The following ANXA1 variants were observed in gnomAD, a reference collection of about 807,000 sequenced individuals.
The protein encoded by ANXA1 is annexin I (lipocortin I).
In ANXA1, 39 loss-of-function variants were observed where a neutral mutation model predicts 47.9. The ratio of observed to expected loss-of-function variants is 0.81; its 90% CI spans 0.63 to 1.06. The LOEUF (loss-of-function observed/expected upper bound fraction) is 1.06, where lower values mean the gene tolerates loss of function less well. ANXA1 is among the 50% of genes least tolerant of loss of function. The pLI is 0.00. For synonymous variants in ANXA1, 146 were observed against 142.5 expected, an observed-to-expected ratio of 1.02 and a Z score of -0.17; for missense variants, 446 against 422.7, an observed-to-expected ratio of 1.06 and a Z score of -0.48.
Position 73,160,272 on chromosome 9 carries a change from G to C in ANXA1, c.280G>C (p.Glu94Gln). 6.4e-7 allele frequency: 1 copy of C among 1,557,116 alleles called. No homozygotes were observed. The highest frequency in any genetic ancestry group is 8.6e-7 in the Non-Finnish European group (1 of 1,161,102). ...ATCTTTTTTTTTGTAGCCCCTGGATGAAACACTGAAGAAAGCCCTTACAGG... is the reference window on the plus strand; with the variant it reads ...ATCTTTTTTTTTGTAGCCCCTGGATCAAACACTGAAGAAAGCCCTTACAGG... Reference protein sequence around the residue: ...YLQETGKPLDETLKKALTGHL... With the variant: ...YLQETGKPLDQTLKKALTGHL... The change falls in exon 5 of 13, where the codon GAA becomes CAA. Residue 94 changes from glutamate (E) to glutamine (Q), a missense_variant. Coordinates refer to ENST00000257497, the MANE Select transcript of ANXA1 (RefSeq NM_000700.3).
At chr9:73,158,349 C>A in intron 1 of ANXA1, 173 bp from the exon 2 acceptor site, 1 of 562,780 alleles carries the variant, frequency 1.8e-6, no homozygotes, top group Non-Finnish European at 3.2e-6. Context: ...TAAAAGCTTC[C>A]TTTAAAAAAA....
In ANXA1 at chr9:73,158,743, T is replaced by A. The variant is rs767002428; in HGVS notation, c.115T>A (p.Tyr39Asn). The change falls in exon 3 of 13, where the codon TAT becomes AAT. Residue 39 changes from tyrosine to asparagine, a missense_variant. Transcript: ENST00000257497. Reference sequence around the variant, plus strand: ...TGGTCCCGGATCAGCGGTGAGCCCCTATCCTACCTTCAATCCATCCTCGGA... The same window carrying A: ...TGGTCCCGGATCAGCGGTGAGCCCCAATCCTACCTTCAATCCATCCTCGGA... ...KGGPGSAVSP[Y>N]PTFNPSSDVA... 2 of 1,613,950 alleles carry A rather than the reference T, an allele frequency of 1.2e-6. No homozygotes were observed. Among genetic ancestry groups the A allele is most frequent in the Non-Finnish European group, 1.7e-6 (2 of 1,179,878 alleles).
rs773134758 is a variant in ANXA1 at position 73,169,173 on chromosome 9, A to T, written c.984+19A>T. On this transcript the variant is annotated intron_variant, in intron 12 of 12. Coordinates refer to ENST00000257497, the MANE Select transcript of ANXA1 (RefSeq NM_000700.3). ...CATCCTGGTATGTTTTGATTCCTCTAATGCCATCCCAACAAATGAAAGTTC... is the reference window on the plus strand; with the variant it reads ...CATCCTGGTATGTTTTGATTCCTCTTATGCCATCCCAACAAATGAAAGTTC... The T allele has an allele frequency of 6.3e-7, 1 of 1,583,612 alleles. No individual in the cohort carries two copies.
chr9:73,167,486 TTC>T lies in ANXA1; in HGVS notation c.803-7_803-6del, dbSNP rs1824250950. 5 of 1,609,310 alleles carry T rather than the reference TTC, an allele frequency of 3.1e-6. No homozygotes were observed. The African/African-American group carries it at 5.3e-5, about 17-fold the overall frequency. On this transcript the variant is annotated splice_polypyrimidine_tract_variant and intron_variant, in intron 10 of 12. Coordinates refer to ENST00000257497, the MANE Select transcript of ANXA1 (RefSeq NM_000700.3). ...GGTAAATACATCAACTAAAATTTTC[TTC>T]TCTAACAGTGAAGTGCGCCACAAGC...
At position 73,165,209 on chromosome 9, in the gene ANXA1, G is replaced by C. The variant is rs200795528; in HGVS notation, c.706G>C (p.Val236Leu). 52 of 1,610,854 alleles carry C rather than the reference G, an allele frequency of 3.2e-5. No individual in the cohort carries two copies. In the East Asian group the frequency reaches 6.7e-4, roughly 21 times the overall value. The change falls in exon 9 of 13, where the codon GTG (valine) becomes CTG (leucine). Residue 236 changes from valine to leucine, a missense_variant and splice_region_variant. Val to Leu is a conservative substitution (Grantham distance 32). Transcript: ENST00000257497. Reference protein sequence around the residue: ...TTRSYPQLRRVFQKYTKYSKH... With the variant: ...TTRSYPQLRRLFQKYTKYSKH... ...CAGAAGCTATCCACAACTTCGCAGA[G>C]GTAACAATAAATTTCTTTTTCTGGA... is the stretch of plus-strand genomic sequence containing the variant.
intron 1 of ANXA1, chr9:73,157,933 C>T (rs1296892868): frequency 6.6e-6 from 1 of 152,242 alleles, no homozygotes; most frequent in Non-Finnish European, 1.5e-5. Context: ...CTTGTTTCAG[C>T]TTCTGCCAAC....
chr9:73,163,374 C>A (rs1824175662), intron 7 of ANXA1, 102 bp from the exon 8 acceptor site: 2 of 1,209,404 alleles, frequency 1.7e-6, no homozygotes, highest in Non-Finnish European at 2.3e-6. Context: ...AATAGAATAC[C>A]TTTTTCTCAA....
In ANXA1 at chr9:73,169,030, A is replaced by G. The variant is rs1485495897; in HGVS notation, c.862-2A>G. The G allele has an allele frequency of 1.9e-6, 3 of 1,604,844 alleles. No individual in the cohort carries two copies. Among genetic ancestry groups the G allele is most frequent in the South Asian group, 2.2e-5 (2 of 88,950 alleles). ...ACACTTACCCTCATTTATTTTGGCC[A>G]GGGTGTTGGAACTCGCCATAAGGCA... On this transcript the variant is annotated splice_acceptor_variant, in intron 11 of 12. Transcript: ENST00000257497. LOFTEE classifies it high-confidence loss of function.
intron 9 of ANXA1, 123 bp downstream of exon 9, chr9:73,165,332 C>T (rs1824209681): frequency 2.9e-6 from 2 of 687,934 alleles, no homozygotes; most frequent in African/African-American, 1.8e-5. Context: ...CAAACAGATA[C>T]AGTGTTCCTG....
chr9:73,160,627 T>C (rs753397823), intron 5 of ANXA1, among the ~76,000 whole-genome samples, 176 bp from the exon 6 acceptor site: 5 of 152,190 alleles, frequency 3.3e-5, no homozygotes, highest in Non-Finnish European at 5.9e-5. Flanking sequence ...AAAATATTGA[T>C]GATAAACTTG....
chr9:73,161,124 A>C (rs1343358411), intron 6 of ANXA1, among the ~76,000 whole-genome samples: 1 of 152,158 alleles, frequency 6.6e-6, no homozygotes, highest in Admixed American at 6.6e-5. Context: ...CTTGCGTTTT[A>C]ATAGAAAATG....
chr9:73,168,378 A>G (rs528317456), intron 11 of ANXA1: 2 of 152,312 alleles, frequency 1.3e-5, no homozygotes, highest in South Asian at 2.1e-4. Context: ...AGTGGGACAT[A>G]TACTCCAGAC....
In ANXA1 at chr9:73,154,360, C is replaced by T. The variant is rs756255947; in HGVS notation, c.-15+2436C>T. On this transcript the variant is annotated intron_variant, in intron 1 of 12. Coordinates refer to ENST00000257497, the MANE Select transcript of ANXA1 (RefSeq NM_000700.3). ...TCTCAGGTGTGAGTGATTAAAAGAACACTGATCATGTCATTTTCTTTTTGG... is the reference window on the plus strand; with the variant it reads ...TCTCAGGTGTGAGTGATTAAAAGAATACTGATCATGTCATTTTCTTTTTGG... 8.1e-6 allele frequency: 11 copies of T among 1,365,320 alleles called. No individual in the cohort carries two copies. The African/African-American group carries it at 1.5e-4, about 18-fold the overall frequency. 84.6% of individuals were successfully genotyped at this position (1,365,320 alleles called of 1,614,324 possible).
intron 3 of ANXA1, 69 bp from the exon 4 acceptor site, chr9:73,159,260 A>G (rs1824098518): frequency 8.2e-7 from 1 of 1,217,728 alleles, no homozygotes; most frequent in Non-Finnish European, 1.2e-6. Flanking sequence ...CATCTCAGTA[A>G]TGAATTATTT....
At chr9:73,162,673 T>C in intron 6 of ANXA1, 109 bp from the exon 7 acceptor site, 1 of 650,566 alleles carries the variant, frequency 1.5e-6, no homozygotes, top group Non-Finnish European at 2.5e-6. Context: ...GTTCCATAAG[T>C]CATTGAACAC....
At chr9:73,161,303 C>T (rs187770810) in intron 6 of ANXA1, among the ~76,000 whole-genome samples, 244 of 152,130 alleles carry the variant, frequency 1.6e-3, no homozygotes, top group African/African-American at 5.2e-3. Context: ...AAAAAATCTC[C>T]TAACAAAATG....
intron 7 of ANXA1, 142 bp from the exon 8 acceptor site, chr9:73,163,334 C>G: frequency 1.3e-6 from 1 of 754,988 alleles, no homozygotes; most frequent in Non-Finnish European, 2.1e-6. Flanking sequence ...CAAGTAAAAT[C>G]TTGTATCTGA....
intron 9 of ANXA1, chr9:73,165,420 C>A: frequency 2.5e-6 from 1 of 393,230 alleles, no homozygotes. Context: ...GTGACTTGGG[C>A]ATGTGGAACA....
At chr9:73,156,667 T>G (rs1824053108) in intron 1 of ANXA1, among the ~76,000 whole-genome samples, 2 of 152,142 alleles carry the variant, frequency 1.3e-5, no homozygotes, top group Admixed American at 6.5e-5. Flanking sequence ...CAGGTGAAAA[T>G]GGAAAGAGTT....
Sources: gnomAD v4.1 joint callset for allele counts (sites outside exome capture counted in the v4.1 genomes callset) on GRCh38, gnomAD v4.1.1 for gene constraint, MANE v1.5 for transcripts, NCBI Gene and HGNC (gene_info 2026-07-23, HGNC 2026-07-21) for gene names.